DOCK7: variants seen among roughly 807,000 people sequenced by gnomAD.
DOCK7 encodes the protein dedicator of cytokinesis 7, also known as dedicator of cytokinesis protein 7.
DOCK7 carries 138 observed loss-of-function variants against 271.0 expected under a neutral mutation model. That is an observed-to-expected ratio of 0.51 (90% CI 0.44 to 0.59). DOCK7 has a LOEUF of 0.59. DOCK7 is among the 20% of genes least tolerant of loss of function. The pLI is 0.00. For synonymous variants in DOCK7, 823 were observed against 876.1 expected (o/e 0.94, Z 1.07); for missense variants, 2,066 against 2,592.4 (o/e 0.80, Z 4.41).
At chr1:62,630,350 C>A (rs1239322393) in intron 11 of DOCK7, among the ~76,000 whole-genome samples, 1 of 152,154 alleles carries the variant, frequency 6.6e-6, no homozygotes, top group East Asian at 1.9e-4. Flanking sequence ...GCTCGCCACT[C>A]TGCATGTAAG....
chr1:62,625,638 C>A (rs958649066), intron 11 of DOCK7, among the ~76,000 whole-genome samples: 1 of 152,102 alleles, frequency 6.6e-6, no homozygotes, highest in Non-Finnish European at 1.5e-5. Flanking sequence ...GATCTATGGG[C>A]ATGACCAATG....
chr1:62,559,586 C>T (rs1283450388), intron 19 of DOCK7, among the ~76,000 whole-genome samples: 1 of 152,090 alleles, frequency 6.6e-6, no homozygotes, highest in Non-Finnish European at 1.5e-5. Flanking sequence ...AACTCATCGC[C>T]ATACCTTATG....
At chr1:62,492,933 G>A (rs1646507707) in intron 40 of DOCK7, 86 bp from the exon 41 acceptor site, 5 of 1,114,496 alleles carry the variant, frequency 4.5e-6, no homozygotes, top group African/African-American at 1.6e-5. Context: ...AAGATGAACT[G>A]TAACTATCAG....
chr1:62,553,875 G>A (rs1031869505), intron 21 of DOCK7, among the ~76,000 whole-genome samples: 3 of 150,728 alleles, frequency 2.0e-5, no homozygotes, highest in Admixed American at 6.6e-5. Context: ...ACACGCACAC[G>A]CAGCCCTTTC....
chr1:62,492,618 G>T, intron 41 of DOCK7, 86 bp downstream of exon 41: 2 of 1,537,000 alleles, frequency 1.3e-6, no homozygotes, highest in Non-Finnish European at 1.8e-6. Context: ...GAAAAGTAGG[G>T]TCATAAGCCA....
Position 62,631,389 on chromosome 1 carries a change from T to C in DOCK7, c.1133A>G (p.Glu378Gly), listed in dbSNP as rs1557831148. 8 of 1,598,880 alleles carry C rather than the reference T, an allele frequency of 5.0e-6. No homozygotes were observed. Among genetic ancestry groups the C allele is most frequent in the Non-Finnish European group, 6.0e-6 (7 of 1,175,780 alleles). ...CTGATCTGCTTGACTCTTCAGTTTC[T>C]CCAGTTTTTCTTTATTCTGCAAAAC... ...ADATKNKEKL[E>G]KLKSQADQFC... The change falls in exon 11 of 50, where the codon GAG (glutamate) becomes GGG (glycine). Residue 378 changes from glutamate (E) to glycine (G), a missense_variant. By Grantham distance (98) the Glu-to-Gly change is moderately conservative. Coordinates refer to ENST00000635253, the MANE Select transcript of DOCK7 (RefSeq NM_001367561.1).
At chr1:62,480,869 C>T (rs1273992098) in intron 43 of DOCK7, among the ~76,000 whole-genome samples, 4 of 152,034 alleles carry the variant, frequency 2.6e-5, no homozygotes, top group Non-Finnish European at 5.9e-5. Flanking sequence ...ATAAGCCTGG[C>T]GCCGTGGCGG....
At chr1:62,546,013 G>A (rs1645695231) in intron 22 of DOCK7, among the ~76,000 whole-genome samples, 1 of 152,100 alleles carries the variant, frequency 6.6e-6, no homozygotes, top group Non-Finnish European at 1.5e-5. Flanking sequence ...AATTATTAGG[G>A]TAAGAATAGC....
intron 18 of DOCK7, among the ~76,000 whole-genome samples, chr1:62,568,888 A>C (rs61996683): frequency 1.3e-5 from 2 of 152,042 alleles, no homozygotes; most frequent in African/African-American, 4.8e-5. Flanking sequence ...AAATAGACAC[A>C]ATAAAAAATG....
chr1:62,632,598 CT>C (rs1409748540), intron 10 of DOCK7, among the ~76,000 whole-genome samples: 5 of 152,190 alleles, frequency 3.3e-5, no homozygotes, highest in Admixed American at 3.3e-4. Context: ...CCAAAGATCA[CT>C]TGTATTCTTG....
chr1:62,581,225 A>G (rs1557751939), intron 16 of DOCK7, among the ~76,000 whole-genome samples: 1 of 152,190 alleles, frequency 6.6e-6, no homozygotes, highest in South Asian at 2.1e-4. Flanking sequence ...TAGGAGTTCA[A>G]TAAGTAAAGG....
chr1:62,632,521 G>T (rs147232888), intron 10 of DOCK7, among the ~76,000 whole-genome samples: 36 of 152,272 alleles, frequency 2.4e-4, no homozygotes, highest in African/African-American at 7.7e-4. Context: ...GGTTTGGGTT[G>T]CTTACCCAGT....
intron 43 of DOCK7, chr1:62,485,431 T>A (rs926564359): frequency 1.9e-5 from 19 of 985,148 alleles, no homozygotes; most frequent in Middle Eastern, 5.2e-4. Flanking sequence ...AAATGAAACA[T>A]GTGACTAATA....
chr1:62,684,069 G>T (rs886308290), intron 1 of DOCK7, among the ~76,000 whole-genome samples: 64 of 150,578 alleles, frequency 4.3e-4, no homozygotes, highest in Middle Eastern at 6.9e-3. Context: ...GTGAAATCCC[G>T]TCACTACTAA....
intron 43 of DOCK7, chr1:62,485,474 G>T (rs747787170): frequency 9.1e-6 from 9 of 985,236 alleles, no homozygotes; most frequent in Non-Finnish European, 1.1e-5. Flanking sequence ...CTGTAAGTTG[G>T]GGAGCAAGTT....
chr1:62,512,471 A>G (rs1227989994), intron 33 of DOCK7, among the ~76,000 whole-genome samples: 1 of 152,202 alleles, frequency 6.6e-6, no homozygotes, highest in Non-Finnish European at 1.5e-5. Context: ...GACTTGGCCA[A>G]GGTTATTTGG....
At chr1:62,596,223 AC>A (rs1649225706) in intron 14 of DOCK7, among the ~76,000 whole-genome samples, 1 of 152,120 alleles carries the variant, frequency 6.6e-6, no homozygotes, top group African/African-American at 2.4e-5. Flanking sequence ...TACTATAATT[AC>A]CCCAGCTTTA....
In DOCK7 at chr1:62,648,304, T is replaced by C; in HGVS notation, c.534A>G (p.Arg178=). The change falls in exon 6 of 50, where the codon AGA becomes AGG. Residue 178 remains arginine (R), a synonymous_variant. Coordinates refer to ENST00000635253, the MANE Select transcript of DOCK7 (RefSeq NM_001367561.1). Reference sequence around the variant, plus strand: ...GGGTATCATCTATTGACATTGAACGTCTTTTAAGGTCATCCTGTCATGCAA... The same window carrying C: ...GGGTATCATCTATTGACATTGAACGCCTTTTAAGGTCATCCTGTCATGCAA... ...SYQDDQDDLK[R]RSMSIDDTPR... 1.9e-6 allele frequency: 3 copies of C among 1,604,022 alleles called. No homozygotes were observed. The highest frequency in any genetic ancestry group is 2.6e-6 in the Non-Finnish European group (3 of 1,174,428).
intron 12 of DOCK7, among the ~76,000 whole-genome samples, chr1:62,621,821 A>G (rs1465348564): frequency 1.3e-5 from 2 of 152,224 alleles, no homozygotes; most frequent in Non-Finnish European, 2.9e-5. Context: ...AAATTTTTTG[A>G]GACCAAGTTG....
Sources: allele counts gnomAD v4.1 joint callset (sites outside exome capture counted in the v4.1 genomes callset), GRCh38; gene constraint gnomAD v4.1.1; transcripts MANE v1.5; gene names NCBI Gene and HGNC (gene_info 2026-07-23, HGNC 2026-07-21).